Variants in PNKD observed in about 807,000 individuals in gnomAD.
PNKD encodes PNKD metallo-beta-lactamase domain containing, also known as probable thioesterase PNKD.
A neutral mutation model predicts 45.3 loss-of-function variants in PNKD; 36 were observed. The ratio of observed to expected loss-of-function variants is 0.80; its 90% CI spans 0.61 to 1.05. The LOEUF (loss-of-function observed/expected upper bound fraction) is 1.05. Ranked by LOEUF, PNKD falls within the 50% of genes least tolerant of loss-of-function variation. The pLI, the probability that PNKD is intolerant of heterozygous loss-of-function variation, is 0.00. For synonymous variants in PNKD, 197 were observed against 210.1 expected, an observed-to-expected ratio of 0.94 and a Z score of 0.54; for missense variants, 511 against 506.6, an observed-to-expected ratio of 1.01 and a Z score of -0.08.
chr2:218,274,293 A>G (rs1304297142), intron 2 of PNKD: 1 of 154,968 alleles, frequency 6.5e-6, no homozygotes, highest in Non-Finnish European at 1.5e-5. Context: ...TCCTAACTAT[A>G]TCCTTGGGCT....
intron 2 of PNKD, among the ~76,000 whole-genome samples, chr2:218,322,608 CCT>C (rs1195194731): frequency 2.6e-5 from 4 of 152,300 alleles, no homozygotes; most frequent in Admixed American, 2.0e-4. Flanking sequence ...CTAAGTTGGC[CCT>C]CTCTGTGCTC....
chr2:218,277,635 G>A, intron 2 of PNKD: 1 of 1,614,214 alleles, frequency 6.2e-7, no homozygotes, highest in African/African-American at 1.3e-5. Flanking sequence ...GAATGTACCT[G>A]GAAATGGTGC....
intron 2 of PNKD, among the ~76,000 whole-genome samples, chr2:218,301,413 G>GC (rs1271564478): frequency 6.6e-6 from 1 of 152,112 alleles, no homozygotes; most frequent in East Asian, 1.9e-4. Context: ...TGACATCTAG[G>GC]AAGCGGTTGG....
chr2:218,273,145 G>A (rs769753042), intron 2 of PNKD, among the ~76,000 whole-genome samples: 42 of 152,214 alleles, frequency 2.8e-4, no homozygotes, highest in Non-Finnish European at 4.6e-4. Flanking sequence ...GTGGGGTCCC[G>A]CTCAGCCTTG....
chr2:218,278,137 C>A (rs13429408), intron 2 of PNKD: 397,560 of 730,392 alleles, frequency 0.54, 112,254 homozygotes, highest in South Asian at 0.64. Flanking sequence ...GTGTGGTACG[C>A]AGGGACAACA....
intron 7 of PNKD, among the ~76,000 whole-genome samples, chr2:218,343,002 A>C (rs542903260): frequency 6.6e-6 from 1 of 152,356 alleles, no homozygotes; most frequent in Non-Finnish European, 1.5e-5. Flanking sequence ...TGCGGGACAG[A>C]ATGGGAGAAT....
intron 2 of PNKD, among the ~76,000 whole-genome samples, chr2:218,278,738 GC>G (rs1364916474): frequency 6.6e-6 from 1 of 152,226 alleles, no homozygotes. Flanking sequence ...ATGCTCTGAA[GC>G]ACCAGGCTCC....
intron 2 of PNKD, chr2:218,280,115 C>T: frequency 6.2e-7 from 1 of 1,614,030 alleles, no homozygotes; most frequent in Non-Finnish European, 8.5e-7. Context: ...CCATCATAGC[C>T]ATGGCCTGGG....
intron 2 of PNKD, chr2:218,277,417 G>A (rs1559500969): frequency 1.9e-6 from 3 of 1,614,184 alleles, no homozygotes; most frequent in Non-Finnish European, 1.7e-6. Flanking sequence ...CCGCAGTGAT[G>A]ATCATTGCAA....
intron 2 of PNKD, chr2:218,323,307 G>A (rs1427676070): frequency 1.3e-6 from 2 of 1,558,034 alleles, no homozygotes; most frequent in South Asian, 1.2e-5. Flanking sequence ...GCAGTGGGTC[G>A]CCGGCTGCTG....
rs1694799723 is a variant in PNKD, at chr2:218,345,203, C to T, written c.*222C>T. 15 of 571,928 alleles carry T rather than the reference C, an allele frequency of 2.6e-5. No homozygotes were observed. Among genetic ancestry groups the T allele is most frequent in the Non-Finnish European group, 3.1e-6 (1 of 321,914 alleles). 35.4% of individuals were successfully genotyped at this position (571,928 alleles called of 1,614,324 possible). A position where few individuals can be genotyped will look rare whatever the true frequency, so the allele number is the denominator to read the frequency against. On this transcript the variant is annotated 3_prime_UTR_variant, in exon 10 of 10. Transcript: ENST00000273077. ...TGGGAACCCCGCAGCGCGAGGCTGC[C>T]TCATCAACGGCAAGAGGAAAGGAGG...
intron 2 of PNKD, among the ~76,000 whole-genome samples, chr2:218,331,760 G>A (rs559447224): frequency 3.3e-5 from 5 of 152,194 alleles, no homozygotes; most frequent in East Asian, 1.9e-4. Flanking sequence ...GAGCCACCGC[G>A]CCCAGCCATG....
At chr2:218,322,753 C>G (rs906698157) in intron 2 of PNKD, among the ~76,000 whole-genome samples, 5 of 152,242 alleles carry the variant, frequency 3.3e-5, no homozygotes, top group African/African-American at 1.2e-4. Flanking sequence ...ACTGTGGGCT[C>G]CAGGAATGCA....
At chr2:218,306,474 C>T (rs143302169) in intron 2 of PNKD, among the ~76,000 whole-genome samples, 4 of 152,184 alleles carry the variant, frequency 2.6e-5, no homozygotes, top group Admixed American at 6.5e-5. Context: ...GTACTTGAAA[C>T]GGCCCAGGCA....
At chr2:218,325,954 C>G (rs1225115618) in intron 2 of PNKD, among the ~76,000 whole-genome samples, 1 of 152,032 alleles carries the variant, frequency 6.6e-6, no homozygotes, top group African/African-American at 2.4e-5. Flanking sequence ...GTCCAGTCCC[C>G]AGGGGGAGAT....
chr2:218,335,803 A>C (rs1000087856), intron 2 of PNKD, among the ~76,000 whole-genome samples: 1 of 152,192 alleles, frequency 6.6e-6, no homozygotes, highest in African/African-American at 2.4e-5. Context: ...ATATCTACAA[A>C]TTGCCATGGA....
intron 9 of PNKD, 53 bp downstream of exon 9, chr2:218,344,623 C>A: frequency 6.6e-7 from 1 of 1,503,858 alleles, no homozygotes; most frequent in Admixed American, 1.7e-5. Context: ...TCAGCCCCAA[C>A]GGGAACCCAT....
chr2:218,300,050 C>A (rs1693236330), intron 2 of PNKD, among the ~76,000 whole-genome samples: 1 of 152,172 alleles, frequency 6.6e-6, no homozygotes, highest in Non-Finnish European at 1.5e-5. Flanking sequence ...AGCCACCGCG[C>A]CTGACCACCA....
intron 1 of PNKD, chr2:218,270,823 T>C (rs1345693070): frequency 2.2e-5 from 9 of 400,720 alleles, no homozygotes; most frequent in Non-Finnish European, 3.5e-5. Context: ...AAGAGGGAGC[T>C]CCTAGGAAGC....
Sources: gnomAD v4.1 joint callset for allele counts (sites outside exome capture counted in the v4.1 genomes callset) on GRCh38, gnomAD v4.1.1 for gene constraint, MANE v1.5 for transcripts, NCBI Gene and HGNC (gene_info 2026-07-23, HGNC 2026-07-21) for gene names.